The following TIGAR variants were observed in gnomAD, a reference collection of about 807,000 sequenced individuals.
The protein encoded by TIGAR is fructose-2,6-bisphosphatase TIGAR.
In TIGAR, 7 loss-of-function variants were observed where a neutral mutation model predicts 17.9. The observed-to-expected ratio is 0.39, with a 90% CI of 0.22 to 0.73. The LOEUF (loss-of-function observed/expected upper bound fraction) is 0.73. TIGAR is among the 30% of genes least tolerant of loss of function. The pLI, the probability that TIGAR is intolerant of heterozygous loss-of-function variation, is 0.42. For missense variants in TIGAR, 258 were observed against 327.4 expected (o/e 0.79, Z 1.64); for synonymous variants, 94 against 108.6 (o/e 0.87, Z 0.84).
intron 3 of TIGAR, among the ~76,000 whole-genome samples, chr12:4,346,575 A>G (rs1864782886): frequency 6.6e-6 from 1 of 151,874 alleles, no homozygotes; most frequent in Non-Finnish European, 1.5e-5. Flanking sequence ...TGGACACAGG[A>G]AGGGGAACAT....
intron 3 of TIGAR, 86 bp from the exon 4 acceptor site, chr12:4,349,733 C>T: frequency 1.7e-6 from 2 of 1,148,226 alleles, no homozygotes; most frequent in Non-Finnish European, 1.2e-6. Flanking sequence ...CTTTTTTATT[C>T]ACTAAGATGA....
At position 4,358,333 on chromosome 12, in the gene TIGAR, C is replaced by G. The variant is rs1864934621; in HGVS notation, c.*5642C>G. On this transcript the variant is annotated 3_prime_UTR_variant, in exon 6 of 6. Transcript: ENST00000179259. ...AGAAAAATCACTGAGCTACTGTATC[C>G]TCATAGAGAATAATTACAGTAATGT... is the stretch of plus-strand genomic sequence containing the variant. 6.6e-6 allele frequency among the ~76,000 whole-genome samples: 1 copy of G among 151,568 alleles called. No homozygotes were observed. The highest frequency in any genetic ancestry group is 1.5e-5 in the Non-Finnish European group (1 of 67,916).
intron 1 of TIGAR, among the ~76,000 whole-genome samples, chr12:4,326,473 T>C (rs1864547500): frequency 6.6e-6 from 1 of 152,258 alleles, no homozygotes; most frequent in Non-Finnish European, 1.5e-5. Context: ...AAAATCTATT[T>C]TTGGATTCCT....
chr12:4,326,151 C>G (rs1438384308), intron 1 of TIGAR, among the ~76,000 whole-genome samples: 2 of 152,176 alleles, frequency 1.3e-5, no homozygotes, highest in East Asian at 1.9e-4. Context: ...CAGAAGCACT[C>G]GGATTCCTGC....
intron 1 of TIGAR, among the ~76,000 whole-genome samples, chr12:4,329,502 C>A (rs1864582665): frequency 6.6e-6 from 1 of 151,808 alleles, no homozygotes; most frequent in Non-Finnish European, 1.5e-5. Context: ...CCACGCATGG[C>A]TAAATTTTGT....
intron 1 of TIGAR, among the ~76,000 whole-genome samples, chr12:4,328,308 C>T (rs1864568249): frequency 6.6e-6 from 1 of 151,824 alleles, no homozygotes; most frequent in Non-Finnish European, 1.5e-5. Context: ...TCTCCTGCCT[C>T]AGCCTCCCGA....
At chr12:4,351,683 G>T (rs926918225) in intron 5 of TIGAR, among the ~76,000 whole-genome samples, 4 of 152,102 alleles carry the variant, frequency 2.6e-5, no homozygotes, top group South Asian at 2.1e-4. Flanking sequence ...CAAGTCACTC[G>T]AGGTGAAATA....
At chr12:4,351,818 A>G (rs1340663242) in intron 5 of TIGAR, among the ~76,000 whole-genome samples, 2 of 152,182 alleles carry the variant, frequency 1.3e-5, no homozygotes. Context: ...CCCCTAACCC[A>G]CCACCACCTC....
At chr12:4,338,095 A>G (rs945180759) in intron 3 of TIGAR, among the ~76,000 whole-genome samples, 1 of 152,034 alleles carries the variant, frequency 6.6e-6, no homozygotes, top group Non-Finnish European at 1.5e-5. Context: ...GTGCCGTTGC[A>G]TGGTTGGGCT....
At chr12:4,323,696 G>A (rs1591657867) in intron 1 of TIGAR, among the ~76,000 whole-genome samples, 1 of 152,188 alleles carries the variant, frequency 6.6e-6, no homozygotes, top group South Asian at 2.1e-4. Flanking sequence ...TAGATTACTT[G>A]AACATCACCA....
chr12:4,324,956 T>TTTGA, intron 1 of TIGAR: 1 of 260,960 alleles, frequency 3.8e-6, no homozygotes, highest in Non-Finnish European at 7.4e-6. Flanking sequence ...TTTTTTTTTT[T>TTTGA]GACGAAACGG....
Position 4,358,378 on chromosome 12 carries a change from T to A in TIGAR, c.*5687T>A, listed in dbSNP as rs1864935620. 6.6e-6 allele frequency among the ~76,000 whole-genome samples: 1 copy of A among 152,112 alleles called. No individual in the cohort carries two copies. The highest frequency in any genetic ancestry group is 6.5e-5 in the Admixed American group (1 of 15,272). On this transcript the variant is annotated 3_prime_UTR_variant, in exon 6 of 6. Transcript: ENST00000179259. ...TAATGTGTATGTGCGTGTGTTTTGG[T>A]AATCTTTTATCTTGGATTTATCAAA... is the stretch of plus-strand genomic sequence containing the variant.
In TIGAR at chr12:4,321,453, G is replaced by T; in HGVS notation, c.32+150G>T. On this transcript the variant is annotated intron_variant, in intron 1 of 5. Transcript: ENST00000179259. The surrounding 1 kb of genome is among the most constrained non-coding windows in gnomAD (Gnocchi z 5.2). The stretch of plus-strand genomic sequence containing the variant: ...TGGAAGCGCTTTTTCCGGGGCGCTT[G>T]CCCTGGGGCCGTCCCGTGTCGCCCC... 1 of 1,123,776 alleles carries T rather than the reference G, an allele frequency of 8.9e-7. No homozygotes were observed. Among genetic ancestry groups the T allele is most frequent in the Admixed American group, 2.3e-5 (1 of 43,362 alleles). 69.6% of individuals were successfully genotyped at this position (1,123,776 alleles called of 1,614,324 possible).
intron 3 of TIGAR, among the ~76,000 whole-genome samples, chr12:4,341,241 T>C (rs537926019): frequency 4.4e-4 from 67 of 151,272 alleles, no homozygotes; most frequent in African/African-American, 1.5e-3. Flanking sequence ...TCTGAATAGA[T>C]GTTTCTCAAA....
At chr12:4,335,280 A>G (rs901313989) in intron 2 of TIGAR, among the ~76,000 whole-genome samples, 2 of 144,722 alleles carry the variant, frequency 1.4e-5, no homozygotes, top group African/African-American at 5.1e-5. Context: ...CGAGTGATCC[A>G]CCCCCTTCAG....
intron 1 of TIGAR, among the ~76,000 whole-genome samples, chr12:4,328,156 C>A (rs1298821030): frequency 3.3e-5 from 5 of 152,088 alleles, no homozygotes; most frequent in Non-Finnish European, 7.4e-5. Context: ...CTCTTTCATG[C>A]CCATTTTATA....
intron 3 of TIGAR, among the ~76,000 whole-genome samples, chr12:4,347,244 A>G (rs944765936): frequency 6.6e-6 from 1 of 152,222 alleles, no homozygotes; most frequent in African/African-American, 2.4e-5. Flanking sequence ...TGTCATTTGC[A>G]ACAACATGGA....
Position 4,358,427 on chromosome 12 carries a change from G to C in TIGAR, c.*5736G>C, listed in dbSNP as rs553595799. On this transcript the variant is annotated 3_prime_UTR_variant, in exon 6 of 6. Coordinates refer to ENST00000179259, the MANE Select transcript of TIGAR (RefSeq NM_020375.3). ...AACCTACAGAAAAGTTGCAAGAACA[G>C]TAGAAGGAATGGCTGTATACTCTTC... Among the ~76,000 whole-genome samples, 1 of 152,264 alleles carries C rather than the reference G, an allele frequency of 6.6e-6. No homozygotes were observed. The highest frequency in any genetic ancestry group is 2.1e-4 in the South Asian group (1 of 4,824).
chr12:4,340,130 G>A (rs554510623), intron 3 of TIGAR, among the ~76,000 whole-genome samples: 8 of 152,334 alleles, frequency 5.3e-5, no homozygotes, highest in African/African-American at 1.7e-4. Context: ...AATTATCCTT[G>A]TTTGCAGATG....
Sources: allele counts gnomAD v4.1 joint callset (sites outside exome capture counted in the v4.1 genomes callset), GRCh38; gene constraint gnomAD v4.1.1; non-coding constraint Gnocchi (gnomAD v3.1); transcripts MANE v1.5; gene names NCBI Gene and HGNC (gene_info 2026-07-23, HGNC 2026-07-21).